Variants in FUCA1 observed in about 807,000 individuals in gnomAD.
The protein encoded by FUCA1 is alpha-L-fucosidase 1.
A neutral mutation model predicts 56.8 loss-of-function variants in FUCA1; 52 were observed. The observed-to-expected ratio is 0.92, with a 90% CI of 0.73 to 1.15. The LOEUF is 1.15. FUCA1 is among the 50% of genes most tolerant of loss of function. The pLI is 0.00. For synonymous variants in FUCA1, 230 were observed against 226.6 expected (o/e 1.02, Z -0.14); for missense variants, 568 against 592.6 (o/e 0.96, Z 0.43).
At chr1:23,858,609 C>G (rs184870119) in intron 4 of FUCA1, among the ~76,000 whole-genome samples, 1 of 152,224 alleles carries the variant, frequency 6.6e-6, no homozygotes, top group Admixed American at 6.5e-5. Flanking sequence ...CAACATTCCC[C>G]CAAGGATTTG....
chr1:23,862,419 G>A (rs554043818), intron 3 of FUCA1, among the ~76,000 whole-genome samples: 3 of 152,182 alleles, frequency 2.0e-5, no homozygotes, highest in Non-Finnish European at 2.9e-5. Context: ...TGCCTGCCTC[G>A]GCCTCCCAAA....
intron 1 of FUCA1, among the ~76,000 whole-genome samples, chr1:23,866,283 G>C (rs1639623023): frequency 6.6e-6 from 1 of 152,244 alleles, no homozygotes; most frequent in Non-Finnish European, 1.5e-5. Context: ...CTGTACTCCA[G>C]CCTGGGCTAC....
In FUCA1 at chr1:23,854,409, C is replaced by A; in HGVS notation, c.920G>T (p.Arg307Leu). Residue 307 changes from arginine to leucine, a missense_variant, in exon 5 of 8, where the codon CGT (arginine) becomes CTT (leucine). Arg to Leu is a moderately radical substitution (Grantham distance 102, BLOSUM62 -2). Coordinates refer to ENST00000374479, the MANE Select transcript of FUCA1 (RefSeq NM_000147.5). Reference protein sequence around the residue: ...TSIDKFSWGYRRDMALSDVTE... With the variant: ...TSIDKFSWGYLRDMALSDVTE... ...AACATCAGACAATGCCATGTCACGA[C>A]GATAGCCCCAGGAAAACTTGTCAAT... 5 of 1,614,046 alleles carry A rather than the reference C, an allele frequency of 3.1e-6. No homozygotes were observed. The highest frequency in any genetic ancestry group is 4.2e-6 in the Non-Finnish European group (5 of 1,180,002).
rs751111468 is a variant in FUCA1, at chr1:23,867,792, G to A, written c.389+106C>T. On this transcript the variant is annotated intron_variant, in intron 1 of 7. Transcript: ENST00000374479. This position sits in a 1 kb window ranked among gnomAD's most constrained non-coding sequence, Gnocchi z 4.9. ...CAGGAGGCCACACGCGGGCCCCGGGGTCATGGGGGCGACCGGCAGCTGCGC... is the reference window on the plus strand; with the variant it reads ...CAGGAGGCCACACGCGGGCCCCGGGATCATGGGGGCGACCGGCAGCTGCGC... The A allele has an allele frequency of 9.7e-6, 14 of 1,442,320 alleles. No individual in the cohort carries two copies. Among genetic ancestry groups the A allele is most frequent in the Non-Finnish European group, 1.2e-5 (13 of 1,107,050 alleles). 89.3% of individuals were successfully genotyped at this position (1,442,320 alleles called of 1,614,324 possible).
chr1:23,859,999 A>G (rs1236457361), intron 3 of FUCA1, 96 bp from the exon 4 acceptor site: 1 of 775,548 alleles, frequency 1.3e-6, no homozygotes, highest in Non-Finnish European at 2.3e-6. Flanking sequence ...GGGTTTCGCT[A>G]TGTTGCCTAA....
At chr1:23,854,636 T>C (rs1639354188) in intron 4 of FUCA1, 76 bp from the exon 5 acceptor site, 3 of 1,241,708 alleles carry the variant, frequency 2.4e-6, no homozygotes, top group Non-Finnish European at 3.5e-6. Flanking sequence ...TTGGTAAGGC[T>C]CTATTTGGAA....
chr1:23,854,818 C>T (rs1639358398), intron 4 of FUCA1, among the ~76,000 whole-genome samples: 1 of 152,056 alleles, frequency 6.6e-6, no homozygotes, highest in Non-Finnish European at 1.5e-5. Flanking sequence ...AGGACAGCCC[C>T]CACAGCAAAG....
rs1557504667 is a variant in FUCA1 at position 23,846,135 on chromosome 1, A to C, written c.1199T>G (p.Leu400Arg). Residue 400 changes from leucine (L) to arginine (R), a missense_variant, in exon 7 of 8, where the codon CTG (leucine) becomes CGG (arginine). Physicochemically the swap from Leu to Arg is moderately radical, Grantham distance 102 (BLOSUM62 -2). Transcript: ENST00000374479. ...SKGSAVYAIF[L>R]HWPENGVLNL... ...TAAGACTCCATTTTCTGGCCAGTGC[A>C]GAAAAATGGCATAAACAGCCGATCC... The C allele has an allele frequency of 1.2e-6, 2 of 1,614,230 alleles. No homozygotes were observed. Among genetic ancestry groups the C allele is most frequent in the Non-Finnish European group, 1.7e-6 (2 of 1,180,028 alleles).
rs552150600 is a variant in FUCA1, at chr1:23,851,288, C to T, written c.970-2449G>A. On this transcript the variant is annotated intron_variant, in intron 5 of 7. Coordinates refer to ENST00000374479, the MANE Select transcript of FUCA1 (RefSeq NM_000147.5). ...CTGAGGCAGGAGAATTGCTTGAACC[C>T]GGGAGACGGCGGTTGCAGCAGACCG... Among the ~76,000 whole-genome samples, 35 of 152,094 alleles carry T rather than the reference C, an allele frequency of 2.3e-4. No homozygotes were observed. The South Asian group carries it at 3.1e-3, about 14-fold the overall frequency.
In FUCA1 at chr1:23,860,600, A is replaced by AC. The variant is rs1190418165; in HGVS notation, c.663-698_663-697insG. Reference sequence around the variant, plus strand: ...CTCCGTCTCAAAAAAAAAAAAAAAAAACACACAGCATTTTGGTATATTTCC... The same window carrying AC: ...CTCCGTCTCAAAAAAAAAAAAAAAAACACACACAGCATTTTGGTATATTTCC... On this transcript the variant is annotated intron_variant, in intron 3 of 7. Coordinates refer to ENST00000374479, the MANE Select transcript of FUCA1 (RefSeq NM_000147.5). 5.6e-3 allele frequency among the ~76,000 whole-genome samples: 849 copies of AC among 150,324 alleles called. 12 individuals are homozygous for AC. The highest frequency in any genetic ancestry group is 0.02 in the African/African-American group (806 of 40,882).
At chr1:23,851,938 T>C (rs893287390) in intron 5 of FUCA1, among the ~76,000 whole-genome samples, 1 of 152,020 alleles carries the variant, frequency 6.6e-6, no homozygotes, top group Non-Finnish European at 1.5e-5. Context: ...ATCGGGTTGA[T>C]AGTTTGCAAC....
At chr1:23,847,744 A>G (rs1273744987) in intron 6 of FUCA1, among the ~76,000 whole-genome samples, 1 of 152,110 alleles carries the variant, frequency 6.6e-6, no homozygotes, top group Non-Finnish European at 1.5e-5. Flanking sequence ...AGTCTAAGCC[A>G]GGTGCAGTGG....
Position 23,845,616 on chromosome 1 carries a change from GGAGAA to G in FUCA1, c.*94_*98del, listed in dbSNP as rs1478491951. 1 of 1,413,332 alleles carries G rather than the reference GGAGAA, an allele frequency of 7.1e-7. No individual in the cohort carries two copies. Among genetic ancestry groups the G allele is most frequent in the Middle Eastern group, 1.8e-4 (1 of 5,708 alleles). 87.5% of individuals were successfully genotyped at this position (1,413,332 alleles called of 1,614,324 possible). On this transcript the variant is annotated 3_prime_UTR_variant, in exon 8 of 8. Coordinates refer to ENST00000374479, the MANE Select transcript of FUCA1 (RefSeq NM_000147.5). ...TGTGTTGGAAAAGCCATCTCTGGGTGGAGAAGAGAAGTTCGTTGATTATAGTGATG... is the reference window on the plus strand; with the variant it reads ...TGTGTTGGAAAAGCCATCTCTGGGTGGAGAAGTTCGTTGATTATAGTGATG...
chr1:23,863,743 T>C (rs749528234), intron 2 of FUCA1, among the ~76,000 whole-genome samples: 1 of 152,028 alleles, frequency 6.6e-6, no homozygotes, highest in Non-Finnish European at 1.5e-5. Context: ...TCCCAGCTAC[T>C]TGGGAGGCTA....
At chr1:23,859,351 G>A (rs1415229359) in intron 4 of FUCA1, among the ~76,000 whole-genome samples, 3 of 152,088 alleles carry the variant, frequency 2.0e-5, no homozygotes, top group Non-Finnish European at 4.4e-5. Flanking sequence ...CGGATCACCA[G>A]AGGTCAGGGG....
intron 2 of FUCA1, among the ~76,000 whole-genome samples, chr1:23,864,809 A>T (rs1270029246): frequency 6.7e-6 from 1 of 150,058 alleles, no homozygotes; most frequent in Non-Finnish European, 1.5e-5. Flanking sequence ...GGTTCAAGTG[A>T]TTCTCCTACC....
Position 23,845,805 on chromosome 1 carries a change from A to T in FUCA1, c.1311T>A (p.Asp437Glu). ...GGGGTAGAGAGATGAAGAGACCTTT[A>T]TCTGGATCTGTGGACCACTTCAGAT... ...QGDLKWSTDPDKGLFISLPQL... is the reference protein window; with the variant it reads ...QGDLKWSTDPEKGLFISLPQL... Residue 437 changes from aspartate (D) to glutamate (E), a missense_variant, in exon 8 of 8, where the codon GAT becomes GAA. Transcript: ENST00000374479. The T allele has an allele frequency of 1.2e-6, 2 of 1,614,208 alleles. No individual in the cohort carries two copies. The highest frequency in any genetic ancestry group is 1.7e-6 in the Non-Finnish European group (2 of 1,180,008).
rs1203986219 is a variant in FUCA1 at position 23,856,991 on chromosome 1, C to CA, written c.769-2432dup. On this transcript the variant is annotated intron_variant, in intron 4 of 7. Coordinates refer to ENST00000374479, the MANE Select transcript of FUCA1 (RefSeq NM_000147.5). Reference sequence around the variant, plus strand: ...TGGGCGACAGTGCGAGACTCCCTCTCAAAAAAAAAAGAAAAGAAAAAAAAA... The same window carrying CA: ...TGGGCGACAGTGCGAGACTCCCTCTCAAAAAAAAAAAGAAAAGAAAAAAAAA... Among the ~76,000 whole-genome samples, 388 of 128,288 alleles carry CA rather than the reference C, an allele frequency of 3.0e-3. 4 individuals carry two copies. Among genetic ancestry groups the CA allele is most frequent in the East Asian group, 0.017 (77 of 4,600 alleles). The allele number at this position is 128,288 out of a possible 152,430, so 84.2% of individuals were successfully genotyped here.
rs61996281 is a variant in FUCA1, at chr1:23,867,960, C to T, written c.327G>A (p.Gln109=). 2,799 of 1,585,358 alleles carry T rather than the reference C, an allele frequency of 1.8e-3. 40 individuals are homozygous for T. In the African/African-American group the frequency reaches 0.035, roughly 20 times the overall value. The change falls in exon 1 of 8, where the codon CAG becomes CAA. Residue 109 remains glutamine (Q), a synonymous_variant. Coordinates refer to ENST00000374479, the MANE Select transcript of FUCA1 (RefSeq NM_000147.5). This position sits in a 1 kb window ranked among gnomAD's most constrained non-coding sequence, Gnocchi z 4.9. ...PGFSYADFGP[Q]FTARFFHPEE... is the part of the protein sequence containing the mutation. ...CCGGGTGGAAGAAGCGCGCAGTGAA[C>T]TGCGGTCCGAAGTCGGCGTAGCTGA... is the stretch of plus-strand genomic sequence containing the variant.
Sources: allele counts gnomAD v4.1 joint callset (sites outside exome capture counted in the v4.1 genomes callset), GRCh38; gene constraint gnomAD v4.1.1; non-coding constraint Gnocchi (gnomAD v3.1); transcripts MANE v1.5; gene names NCBI Gene and HGNC (gene_info 2026-07-23, HGNC 2026-07-21).